Variants in UTRN observed in about 807,000 individuals in gnomAD.
UTRN encodes utrophin, also known as dystrophin-related protein 1.
UTRN carries 283 observed loss-of-function variants against 463.9 expected under a neutral mutation model. The ratio of observed to expected loss-of-function variants is 0.61; its 90% CI spans 0.55 to 0.67. The LOEUF (loss-of-function observed/expected upper bound fraction) is 0.67. Among genes scored for constraint, UTRN ranks in the 30% least tolerant of loss-of-function variants. The pLI, the probability that UTRN is intolerant of heterozygous loss-of-function variation, is 0.00. For synonymous variants in UTRN, 1,442 were observed against 1,431.5 expected, an observed-to-expected ratio of 1.01 and a Z score of -0.17; for missense variants, 3,922 against 4,084.3, an observed-to-expected ratio of 0.96 and a Z score of 1.08.
At chr6:144,423,951 CGTTTTT>C (rs1224532287) in intron 5 of UTRN, 29 bp from the exon 6 acceptor site, 10 of 1,595,008 alleles carry the variant, frequency 6.3e-6, no homozygotes, top group Non-Finnish European at 7.7e-6. Flanking sequence ...GTCTTAAAAG[CGTTTTT>C]GTTTTTGTTT....
At chr6:144,416,142 T>G (rs1784345301) in intron 3 of UTRN, among the ~76,000 whole-genome samples, 1 of 152,034 alleles carries the variant, frequency 6.6e-6, no homozygotes, top group Admixed American at 6.6e-5. Context: ...CCTCTTTGAT[T>G]AATCCTATAT....
chr6:144,528,758 G>T (rs1014337873), intron 41 of UTRN, among the ~76,000 whole-genome samples: 1 of 152,190 alleles, frequency 6.6e-6, no homozygotes, highest in Non-Finnish European at 1.5e-5. Context: ...GGTTAAGTTC[G>T]CTGGTTTTCT....
At chr6:144,703,829 C>T (rs752228892) in intron 53 of UTRN, among the ~76,000 whole-genome samples, 2 of 151,990 alleles carry the variant, frequency 1.3e-5, no homozygotes, top group South Asian at 2.1e-4. Flanking sequence ...AGGACTTTTA[C>T]AACAAAGGTA....
intron 54 of UTRN, among the ~76,000 whole-genome samples, chr6:144,746,940 TA>T (rs1417314775): frequency 6.6e-6 from 1 of 152,252 alleles, no homozygotes; most frequent in Non-Finnish European, 1.5e-5. Context: ...CTGCGGTTGC[TA>T]AATATCAATG....
chr6:144,660,326 C>CT (rs1415479065), intron 51 of UTRN: 5 of 469,204 alleles, frequency 1.1e-5, no homozygotes, highest in African/African-American at 2.0e-5. Flanking sequence ...TCTTTCTTGC[C>CT]TTTTTTTTCA....
At chr6:144,582,894 G>A (rs766317945) in intron 51 of UTRN, among the ~76,000 whole-genome samples, 16 of 152,178 alleles carry the variant, frequency 1.1e-4, no homozygotes, top group Non-Finnish European at 2.1e-4. Context: ...ATGGGCTGTT[G>A]TCATCAGAGT....
chr6:144,788,565 AT>A (rs796235314), intron 61 of UTRN, among the ~76,000 whole-genome samples: 2,948 of 136,724 alleles, frequency 0.022, 67 homozygotes, highest in African/African-American at 0.067. Flanking sequence ...AATTCATAGT[AT>A]TTTTTTTTTT....
rs201804240 is a variant in UTRN, at chr6:144,514,728, C to T, written c.5152C>T (p.Arg1718Cys). The T allele has an allele frequency of 1.2e-5, 20 of 1,613,896 alleles. No homozygotes were observed. Among genetic ancestry groups the T allele is most frequent in the East Asian group, 4.5e-5 (2 of 44,888 alleles). The stretch of plus-strand genomic sequence containing the variant: ...TCAAGCCCTTATTTTGATGAATGCC[C>T]GTGGAAGCTCAAGCAGGGAGCTTGT... ...RDQALILMNA[R>C]GSSSRELVEP... Residue 1718 changes from arginine (R) to cysteine (C), a missense_variant, in exon 37 of 75, where the codon CGT becomes TGT. Physicochemically the swap from Arg to Cys is radical, Grantham distance 180. Around this residue, in one of 3 missense-constraint regions of UTRN, gnomAD observed 2,349 missense variants for 2,303.8 expected, o/e 1.02. Transcript: ENST00000367545.
chr6:144,484,615 G>T (rs1322463065), intron 27 of UTRN, among the ~76,000 whole-genome samples: 1 of 151,158 alleles, frequency 6.6e-6, no homozygotes, highest in East Asian at 1.9e-4. Flanking sequence ...GCTAGTTTTT[G>T]TATTTTTAGT....
rs1800724472 is a variant in UTRN, at chr6:144,569,354, TA to T, written c.7290-7740del. On this transcript the variant is annotated intron_variant, in intron 50 of 74. Transcript: ENST00000367545. Reference sequence around the variant, plus strand: ...TTATGTTTAGTAGTTAAGTTTATGATAAAAATTTGATACCAGCTATATATGC... The same window carrying T: ...TTATGTTTAGTAGTTAAGTTTATGATAAAATTTGATACCAGCTATATATGC... Among the ~76,000 whole-genome samples the T allele has an allele frequency of 9.2e-5, 14 of 152,168 alleles. No homozygotes were observed. The South Asian group carries it at 2.9e-3, about 32-fold the overall frequency.
chr6:144,473,865 A>T, intron 24 of UTRN, 32 bp downstream of exon 24: 1 of 1,514,216 alleles, frequency 6.6e-7, no homozygotes, highest in Non-Finnish European at 9.1e-7. Flanking sequence ...AACTTGTCAT[A>T]AATAACATTT....
At chr6:144,749,052 ATCTTAT>A (rs1379637584) in intron 55 of UTRN, among the ~76,000 whole-genome samples, 1 of 152,130 alleles carries the variant, frequency 6.6e-6, no homozygotes, top group Non-Finnish European at 1.5e-5. Context: ...TATAAATTGT[ATCTTAT>A]TGTATATTAA....
intron 51 of UTRN, among the ~76,000 whole-genome samples, chr6:144,643,246 G>A (rs1223681291): frequency 3.3e-5 from 5 of 152,018 alleles, no homozygotes; most frequent in Admixed American, 1.3e-4. Context: ...TAAAACTAGA[G>A]AAAGAGTCAT....
Position 144,429,892 on chromosome 6 carries a change from A to G in UTRN, c.855+151A>G, listed in dbSNP as rs1290695421. On this transcript the variant is annotated intron_variant, in intron 9 of 74. Coordinates refer to ENST00000367545, the MANE Select transcript of UTRN (RefSeq NM_007124.3). ...GCATAAGAAGTTCAGCTTAGCAGTT[A>G]GCATTCTGTCACATGTGTGTAATAG... 4.0e-6 allele frequency: 3 copies of G among 756,046 alleles called. No individual in the cohort carries two copies. In the East Asian group the frequency reaches 8.4e-5, roughly 21 times the overall value. 46.8% of individuals were successfully genotyped at this position (756,046 alleles called of 1,614,324 possible). A position where few individuals can be genotyped will look rare whatever the true frequency, so the allele number is the denominator to read the frequency against.
intron 50 of UTRN, among the ~76,000 whole-genome samples, chr6:144,561,629 C>CA (rs1215191655): frequency 6.6e-6 from 1 of 152,078 alleles, no homozygotes; most frequent in Non-Finnish European, 1.5e-5. Flanking sequence ...GTATATGGGG[C>CA]AATCCTTGGT....
In UTRN at chr6:144,420,708, C is replaced by A. The variant is rs183339101; in HGVS notation, c.142-1170C>A. Among the ~76,000 whole-genome samples the A allele has an allele frequency of 1.5e-3, 235 of 152,264 alleles. 1 individual carries two copies. Among genetic ancestry groups the A allele is most frequent in the Non-Finnish European group, 2.6e-3 (180 of 68,012 alleles). ...GCCTTAAGTGTTAAGAAATTAATAA[C>A]CAGAAATACAGACTGAACACCTCAG... On this transcript the variant is annotated intron_variant, in intron 3 of 74. Transcript: ENST00000367545.
At chr6:144,381,556 T>A (rs1419173288) in intron 2 of UTRN, among the ~76,000 whole-genome samples, 4 of 152,194 alleles carry the variant, frequency 2.6e-5, no homozygotes, top group African/African-American at 9.7e-5. Context: ...CATCTTGAAT[T>A]CCCAGGTATT....
At position 144,771,961 on chromosome 6, in the gene UTRN, A is replaced by G. The variant is rs1470960776; in HGVS notation, c.8550A>G (p.Gln2850=). The G allele has an allele frequency of 6.4e-7, 1 of 1,571,130 alleles. No homozygotes were observed. The highest frequency in any genetic ancestry group is 1.8e-5 in the Admixed American group (1 of 54,848). ...WDHPKMTELF[Q]SLADLNNVRF... ...ATCCTAAAATGACCGAACTCTTTCA[A>G]TCCCTTGGTAAGTGTTATTAATAGT... Residue 2850 remains glutamine (Q), a synonymous_variant, in exon 59 of 75, where the codon CAA becomes CAG. Coordinates refer to ENST00000367545, the MANE Select transcript of UTRN (RefSeq NM_007124.3).
chr6:144,694,484 A>C (rs191150718), intron 52 of UTRN, among the ~76,000 whole-genome samples: 3 of 151,996 alleles, frequency 2.0e-5, no homozygotes, highest in African/African-American at 7.2e-5. Flanking sequence ...TTCTTTGTAC[A>C]TCTGGTAGAA....
Sources: gnomAD v4.1 joint callset for allele counts (sites outside exome capture counted in the v4.1 genomes callset) on GRCh38, gnomAD v4.1.1 for gene constraint, gnomAD v4.1.1 regional missense constraint, MANE v1.5 for transcripts, NCBI Gene and HGNC (gene_info 2026-07-23, HGNC 2026-07-21) for gene names.